The following CTPS2 variants were observed in gnomAD, a reference collection of about 807,000 sequenced individuals.
The protein encoded by CTPS2 is CTP synthase II.
Under a neutral mutation model 46.8 loss-of-function variants are expected in CTPS2, and 19 were observed. The observed-to-expected ratio is 0.41, with a 90% CI of 0.28 to 0.60. The LOEUF is 0.60. Ranked by LOEUF, CTPS2 falls within the 20% of genes least tolerant of loss-of-function variation. The probability of loss-of-function intolerance (pLI) is 0.35; values close to 1 mark genes in which losing one functional copy is unlikely to be tolerated. For synonymous variants in CTPS2, 151 were observed against 165.2 expected (o/e 0.91, Z 0.66); for missense variants, 286 against 447.6 (o/e 0.64, Z 3.26).
intron 14 of CTPS2, among the ~76,000 whole-genome samples, chrX:16,631,637 A>T (rs1475378246): frequency 8.9e-6 from 1 of 112,432 alleles, no homozygotes; most frequent in Non-Finnish European, 1.9e-5. Context: ...TGTTCTTTCT[A>T]GCAGGTGGCA....
At chrX:16,619,013 C>G (rs1294999898) in intron 15 of CTPS2, among the ~76,000 whole-genome samples, 1 of 111,951 alleles carries the variant, frequency 8.9e-6, no homozygotes, top group African/African-American at 3.2e-5. Flanking sequence ...GCGTACGTAC[C>G]AGTTCTTGCA....
chrX:16,654,040 C>T (rs1475310502), intron 13 of CTPS2, among the ~76,000 whole-genome samples: 2 of 111,997 alleles, frequency 1.8e-5, no homozygotes, highest in African/African-American at 3.2e-5. Flanking sequence ...GGCAGGGGTC[C>T]TCAACTGTTT....
At chrX:16,711,015 T>A (rs544206208) in intron 1 of CTPS2, among the ~76,000 whole-genome samples, 2 of 112,128 alleles carry the variant, frequency 1.8e-5, no homozygotes, top group South Asian at 3.7e-4. Context: ...TGAGGATTGT[T>A]TCTGGTGTCA....
intron 17 of CTPS2, among the ~76,000 whole-genome samples, chrX:16,603,282 T>A (rs1298565781): frequency 3.6e-5 from 4 of 109,881 alleles, no homozygotes; most frequent in African/African-American, 6.6e-5. Flanking sequence ...CCGGGCATGG[T>A]GGCGGGCACC....
intron 13 of CTPS2, among the ~76,000 whole-genome samples, chrX:16,653,031 C>A (rs1375128987): frequency 9.0e-6 from 1 of 111,212 alleles, no homozygotes; most frequent in Non-Finnish European, 1.9e-5. Context: ...ATCTACTTAG[C>A]ACTACTGAAC....
intron 13 of CTPS2, among the ~76,000 whole-genome samples, chrX:16,658,295 G>A (rs1471812528): frequency 9.2e-6 from 1 of 108,964 alleles, no homozygotes; most frequent in Non-Finnish European, 1.9e-5. Flanking sequence ...AATACAATTT[G>A]TATCATTCTA....
intron 10 of CTPS2, among the ~76,000 whole-genome samples, chrX:16,672,874 G>A (rs1316765111): frequency 2.9e-5 from 3 of 104,820 alleles, no homozygotes; most frequent in Non-Finnish European, 5.8e-5. Context: ...GGATTTGTGA[G>A]GCTACTCTTT....
At chrX:16,664,121 C>A (rs1341764777) in intron 13 of CTPS2, among the ~76,000 whole-genome samples, 1 of 112,396 alleles carries the variant, frequency 8.9e-6, no homozygotes, top group Non-Finnish European at 1.9e-5. Context: ...TAGGCATGAG[C>A]CACTGCGCCC....
intron 13 of CTPS2, among the ~76,000 whole-genome samples, chrX:16,659,860 A>G (rs1403246668): frequency 9.0e-6 from 1 of 111,146 alleles, no homozygotes; most frequent in East Asian, 2.8e-4. Context: ...AGATCTCCAG[A>G]ACTTACTCAT....
At chrX:16,675,930 T>C (rs1922229506) in intron 10 of CTPS2, among the ~76,000 whole-genome samples, 1 of 112,124 alleles carries the variant, frequency 8.9e-6, no homozygotes, top group Admixed American at 9.5e-5. Flanking sequence ...CTGATCCTTT[T>C]TGTTTTATTT....
chrX:16,667,593 T>C (rs765952224), intron 12 of CTPS2, 36 bp from the exon 13 acceptor site: 13 of 1,202,175 alleles, frequency 1.1e-5, no homozygotes, highest in East Asian at 5.9e-5. Context: ...AATTCACCAA[T>C]AGTGCTGAAA....
intron 1 of CTPS2, among the ~76,000 whole-genome samples, chrX:16,710,898 T>A (rs747202440): frequency 2.7e-5 from 3 of 112,640 alleles, no homozygotes; most frequent in Admixed American, 9.5e-5. Flanking sequence ...ATTACAGGCA[T>A]GAGCCACCAT....
rs143203857 is a variant in CTPS2, at chrX:16,682,906, C to G, written c.1005+188G>C. Among the ~76,000 whole-genome samples, 277 of 112,257 alleles carry G rather than the reference C, an allele frequency of 2.5e-3. 1 individual carries two copies. Among genetic ancestry groups the G allele is most frequent in the African/African-American group, 8.4e-3 (261 of 30,970 alleles). The stretch of plus-strand genomic sequence containing the variant: ...CACGACTTTTCCTTGGCTGATTTTG[C>G]TTTGCATTGTCTGGCTATAATAAAT... On this transcript the variant is annotated intron_variant, in intron 9 of 18. Coordinates refer to ENST00000359276, the MANE Select transcript of CTPS2 (RefSeq NM_175859.3).
At chrX:16,675,185 T>C (rs1235776380) in intron 10 of CTPS2, among the ~76,000 whole-genome samples, 2 of 109,210 alleles carry the variant, frequency 1.8e-5, no homozygotes, top group African/African-American at 6.7e-5. Context: ...GGAGAATTGC[T>C]TGGACCCATG....
At chrX:16,705,396 C>T in intron 1 of CTPS2, among the ~76,000 whole-genome samples, 1 of 111,999 alleles carries the variant, frequency 8.9e-6, no homozygotes, top group South Asian at 3.8e-4. Context: ...TGGACTGGCT[C>T]TGGCCAGTTT....
At position 16,669,869 on chromosome X, in the gene CTPS2, A is replaced by C. The variant is rs770748541; in HGVS notation, c.1189+711T>G. 2.7e-5 allele frequency among the ~76,000 whole-genome samples: 3 copies of C among 110,272 alleles called. No homozygotes were observed. In the East Asian group the frequency reaches 8.5e-4, roughly 31 times the overall value. The stretch of plus-strand genomic sequence containing the variant: ...GCTGCCTCTCCCGCATCAAGGTCCC[A>C]TTTCCTCTGGTTTCCCTGGTACAGA... On this transcript the variant is annotated intron_variant, in intron 11 of 18. Coordinates refer to ENST00000359276, the MANE Select transcript of CTPS2 (RefSeq NM_175859.3).
At chrX:16,694,427 T>A (rs1923954172) in intron 4 of CTPS2, among the ~76,000 whole-genome samples, 1 of 111,355 alleles carries the variant, frequency 9.0e-6, no homozygotes, top group Admixed American at 9.5e-5. Context: ...GAGGGCAGAC[T>A]CTGACCCCCC....
chrX:16,633,056 G>A (rs1187030999), intron 14 of CTPS2, among the ~76,000 whole-genome samples: 1 of 104,726 alleles, frequency 9.5e-6, no homozygotes, highest in African/African-American at 3.5e-5. Context: ...CATTCAACAT[G>A]CAGTTCTTTT....
intron 13 of CTPS2, among the ~76,000 whole-genome samples, chrX:16,643,965 T>C (rs923332237): frequency 1.4e-4 from 16 of 111,511 alleles, no homozygotes; most frequent in African/African-American, 4.9e-4. Context: ...ATTAATGCCA[T>C]TGTTATGCTC....
Sources: allele counts gnomAD v4.1 joint callset (sites outside exome capture counted in the v4.1 genomes callset), GRCh38; gene constraint gnomAD v4.1.1; transcripts MANE v1.5; gene names NCBI Gene and HGNC (gene_info 2026-07-23, HGNC 2026-07-21).